Variants in GNRHR observed in about 807,000 individuals in gnomAD.
GNRHR encodes gonadotropin releasing hormone receptor, also known as gonadotropin-releasing hormone receptor.
GNRHR carries 14 observed loss-of-function variants against 28.1 expected under a neutral mutation model. The observed-to-expected ratio is 0.50, with a 90% CI of 0.33 to 0.78. The LOEUF is 0.78. Among genes scored for constraint, GNRHR ranks in the 30% least tolerant of loss-of-function variants. The pLI is 0.02. For missense variants in GNRHR, 366 were observed against 382.1 expected (o/e 0.96, Z 0.35); for synonymous variants, 141 against 140.5 (o/e 1.00, Z -0.02).
At position 67,752,524 on chromosome 4, in the gene GNRHR, G is replaced by A. The variant is rs1577872405; in HGVS notation, c.522+1290C>T. Among the ~76,000 whole-genome samples the A allele has an allele frequency of 3.9e-5, 6 of 152,198 alleles. No individual in the cohort carries two copies. In the South Asian group the frequency reaches 1.2e-3, roughly 32 times the overall value. On this transcript the variant is annotated intron_variant, in intron 1 of 2. Transcript: ENST00000226413. ...AACTTGGACCATAGGTGCAAAAGTG[G>A]AAAGAAAGAATGTGGAAAATTTTAA...
chr4:67,741,140 G>A (rs1731651777), intron 2 of GNRHR, among the ~76,000 whole-genome samples: 1 of 151,830 alleles, frequency 6.6e-6, no homozygotes, highest in African/African-American at 2.4e-5. Flanking sequence ...AGATCTCGGT[G>A]GACCCATCAC....
Position 67,754,154 on chromosome 4 carries a change from T to C in GNRHR, c.182A>G (p.Gln61Arg), listed in dbSNP as rs1269733424. 1 of 1,613,954 alleles carries C rather than the reference T, an allele frequency of 6.2e-7. No homozygotes were observed. Among genetic ancestry groups the C allele is most frequent in the Admixed American group, 1.7e-5 (1 of 60,012 alleles). The part of the protein sequence containing the change: ...TFNASFLLKL[Q>R]KWTQKKEKGK... Reference sequence around the variant, plus strand: ...TTTCTCTTTCTTCTGTGTCCACTTCTGAAGTTTCAACAAGAAAGAAGCATT... The same window carrying C: ...TTTCTCTTTCTTCTGTGTCCACTTCCGAAGTTTCAACAAGAAAGAAGCATT... Residue 61 changes from glutamine (Q) to arginine (R), a missense_variant, in exon 1 of 3, where the codon CAG becomes CGG. Gln to Arg is a conservative substitution (Grantham distance 43, BLOSUM62 1). Transcript: ENST00000226413.
At chr4:67,746,598 A>AT (rs1731758185) in intron 1 of GNRHR, among the ~76,000 whole-genome samples, 1 of 151,998 alleles carries the variant, frequency 6.6e-6, no homozygotes, top group Admixed American at 6.6e-5. Context: ...GTGTTACAAT[A>AT]TTTTTTATTT....
intron 1 of GNRHR, among the ~76,000 whole-genome samples, chr4:67,746,883 C>T (rs372526223): frequency 5.6e-4 from 85 of 152,080 alleles, no homozygotes; most frequent in African/African-American, 2.0e-3. Flanking sequence ...ATTTTAAATT[C>T]ATCCACTAGA....
rs903468728 is a variant in GNRHR, at chr4:67,737,887, T to C, written c.*2593A>G. Among the ~76,000 whole-genome samples the C allele has an allele frequency of 6.6e-6, 1 of 151,892 alleles. No homozygotes were observed. The highest frequency in any genetic ancestry group is 2.4e-5 in the African/African-American group (1 of 41,420). On this transcript the variant is annotated 3_prime_UTR_variant, in exon 3 of 3. Coordinates refer to ENST00000226413, the MANE Select transcript of GNRHR (RefSeq NM_000406.3). ...TACAAGGAGTCCTCACCTTTTATTA[T>C]AATAGGACATAAAATAAATGATTGT...
At position 67,740,440 on chromosome 4, in the gene GNRHR, C is replaced by T. The variant is rs1159448395; in HGVS notation, c.*40G>A. 4.8e-6 allele frequency: 7 copies of T among 1,465,428 alleles called. No homozygotes were observed. The highest frequency in any genetic ancestry group is 6.7e-6 in the Non-Finnish European group (7 of 1,045,476). The allele number at this position is 1,465,428 out of a possible 1,614,324, so 90.8% of individuals were successfully genotyped here. A position where few individuals can be genotyped will look rare whatever the true frequency, so the allele number is the denominator to read the frequency against. ...CATTCCCAGATGGAGAGATTCATTA[C>T]CTTACCCTTCTTCATATGACTTCTT... On this transcript the variant is annotated 3_prime_UTR_variant, in exon 3 of 3. Coordinates refer to ENST00000226413, the MANE Select transcript of GNRHR (RefSeq NM_000406.3).
Position 67,754,089 on chromosome 4 carries a change from G to C in GNRHR, c.247C>G (p.Leu83Val), listed in dbSNP as rs1391808526. ...LSRMKLLLKH[L>V]TLANLLETLI... Reference sequence around the variant, plus strand: ...GTCTCCAACAGGTTGGCTAAGGTCAGATGTTTTAAGAGCAGCTTCATTCTT... The same window carrying C: ...GTCTCCAACAGGTTGGCTAAGGTCACATGTTTTAAGAGCAGCTTCATTCTT... Residue 83 changes from leucine to valine, a missense_variant, in exon 1 of 3, where the codon CTG (leucine) becomes GTG (valine). Leu to Val is a conservative substitution (Grantham distance 32). Coordinates refer to ENST00000226413, the MANE Select transcript of GNRHR (RefSeq NM_000406.3). 3 of 1,614,090 alleles carry C rather than the reference G, an allele frequency of 1.9e-6. No individual in the cohort carries two copies. In the Admixed American group the frequency reaches 5.0e-5, roughly 27 times the overall value.
chr4:67,754,041 C>A lies in GNRHR; in HGVS notation c.295G>T (p.Gly99Trp). The A allele has an allele frequency of 1.2e-6, 2 of 1,613,700 alleles. No homozygotes were observed. The highest frequency in any genetic ancestry group is 4.5e-5 in the East Asian group (2 of 44,882). ...CATTGGACTGTAATGTTCCACATCCCATCCAGTGGCATGACAATCAGAGTC... is the reference window on the plus strand; with the variant it reads ...CATTGGACTGTAATGTTCCACATCCAATCCAGTGGCATGACAATCAGAGTC... ...LETLIVMPLD[G>W]MWNITVQWYA... The change falls in exon 1 of 3, where the codon GGG (glycine) becomes TGG (tryptophan). Residue 99 changes from glycine to tryptophan, a missense_variant. Gly to Trp is a radical substitution (Grantham distance 184). Coordinates refer to ENST00000226413, the MANE Select transcript of GNRHR (RefSeq NM_000406.3).
rs532816175 is a variant in GNRHR at position 67,740,230 on chromosome 4, T to C, written c.*250A>G. ...GATAAGAAACCTACATAATGTGTTA[T>C]ATGAGGTCAGAAAAGGCAGAGATTA... On this transcript the variant is annotated 3_prime_UTR_variant, in exon 3 of 3. Transcript: ENST00000226413. 2.1e-4 allele frequency: 92 copies of C among 440,334 alleles called. No individual in the cohort carries two copies. The South Asian group carries it at 2.2e-3, about 10-fold the overall frequency. The allele number at this position is 440,334 out of a possible 1,614,324, so 27.3% of individuals were successfully genotyped here.
rs1417516934 is a variant in GNRHR at position 67,740,622 on chromosome 4, G to A, written c.845C>T (p.Pro282Leu). The part of the protein sequence containing the change: ...FATSFTVCWT[P>L]YYVLGIWYWF... Reference sequence around the variant, plus strand: ...ATACCAAATTCCTAGGACATAGTAGGGAGTCCAGCAGACAGTAAATGAAGT... The same window carrying A: ...ATACCAAATTCCTAGGACATAGTAGAGAGTCCAGCAGACAGTAAATGAAGT... Residue 282 changes from proline (P) to leucine (L), a missense_variant, in exon 3 of 3, where the codon CCC becomes CTC. Transcript: ENST00000226413. 6.2e-7 allele frequency: 1 copy of A among 1,612,552 alleles called. No homozygotes were observed. Among genetic ancestry groups the A allele is most frequent in the South Asian group, 1.1e-5 (1 of 91,052 alleles).
chr4:67,737,730 C>T lies in GNRHR; in HGVS notation c.*2750G>A, dbSNP rs552952353. The stretch of plus-strand genomic sequence containing the variant: ...TTATTGTCATTAGTTAATGTCACTC[C>T]TGTACTAAACTGAATTGCTAAAAGA... On this transcript the variant is annotated 3_prime_UTR_variant, in exon 3 of 3. Transcript: ENST00000226413. Among the ~76,000 whole-genome samples the T allele has an allele frequency of 7.2e-5, 11 of 151,876 alleles. No individual in the cohort carries two copies. Among genetic ancestry groups the T allele is most frequent in the African/African-American group, 2.2e-4 (9 of 41,480 alleles).
intron 1 of GNRHR, among the ~76,000 whole-genome samples, chr4:67,745,091 A>T (rs189935694): frequency 3.0e-4 from 45 of 152,244 alleles, no homozygotes; most frequent in African/African-American, 1.0e-3. Flanking sequence ...TGCTGAGTAA[A>T]CTTTTTGCAA....
At position 67,754,277 on chromosome 4, in the gene GNRHR, CTGT is replaced by C; in HGVS notation, c.56_58del (p.Asn19del). The stretch of plus-strand genomic sequence containing the variant: ...GAGGTTGCCCTGCATCAGTGGGATG[CTGT>C]TGTTGATGGCTGAACAGTGATTTTG... On this transcript the variant is annotated inframe_deletion, in exon 1 of 3. Transcript: ENST00000226413. 2 of 1,612,976 alleles carry C rather than the reference CTGT, an allele frequency of 1.2e-6. No homozygotes were observed. The highest frequency in any genetic ancestry group is 1.7e-6 in the Non-Finnish European group (2 of 1,179,306).
chr4:67,753,421 A>G (rs1242262493), intron 1 of GNRHR, among the ~76,000 whole-genome samples: 1 of 152,238 alleles, frequency 6.6e-6, no homozygotes, highest in Non-Finnish European at 1.5e-5. Flanking sequence ...TCAACTAAAC[A>G]TTAAAGCCAT....
intron 2 of GNRHR, among the ~76,000 whole-genome samples, chr4:67,742,687 G>A (rs1189698090): frequency 1.3e-5 from 2 of 152,148 alleles, no homozygotes; most frequent in Non-Finnish European, 2.9e-5. Context: ...TCTGTGTCAA[G>A]TAAGAAATAC....
intron 2 of GNRHR, among the ~76,000 whole-genome samples, chr4:67,741,888 C>G (rs989676271): frequency 1.3e-5 from 2 of 152,044 alleles, no homozygotes; most frequent in Middle Eastern, 3.4e-3. Flanking sequence ...GCCCACTTTT[C>G]GATGGGATTG....
At chr4:67,752,394 T>G (rs1462435155) in intron 1 of GNRHR, among the ~76,000 whole-genome samples, 2 of 150,900 alleles carry the variant, frequency 1.3e-5, no homozygotes, top group African/African-American at 4.9e-5. Flanking sequence ...AATTTTTTTT[T>G]TAATAATTTG....
intron 1 of GNRHR, among the ~76,000 whole-genome samples, chr4:67,746,603 T>C (rs1199039109): frequency 1.3e-5 from 2 of 152,160 alleles, no homozygotes; most frequent in East Asian, 3.9e-4. Context: ...ACAATATTTT[T>C]TATTTTAAGC....
In GNRHR at chr4:67,754,035, ACATCC is replaced by A; in HGVS notation, c.296_300del (p.Gly99ValfsTer68). ...GCATACCATTGGACTGTAATGTTCCACATCCCATCCAGTGGCATGACAATCAGAGT... is the reference window on the plus strand; with the variant it reads ...GCATACCATTGGACTGTAATGTTCCACATCCAGTGGCATGACAATCAGAGT... On this transcript the variant is annotated frameshift_variant, in exon 1 of 3. Transcript: ENST00000226413. LOFTEE classifies it high-confidence loss of function. 6.2e-7 allele frequency: 1 copy of A among 1,613,816 alleles called. No homozygotes were observed. The highest frequency in any genetic ancestry group is 8.5e-7 in the Non-Finnish European group (1 of 1,179,650).
Sources: allele counts gnomAD v4.1 joint callset (sites outside exome capture counted in the v4.1 genomes callset), GRCh38; gene constraint gnomAD v4.1.1; transcripts MANE v1.5; gene names NCBI Gene and HGNC (gene_info 2026-07-23, HGNC 2026-07-21).